Variants in NRXN1 observed in about 807,000 individuals in gnomAD.
The protein encoded by NRXN1 is neurexin 1.
In NRXN1, 39 loss-of-function variants were observed where a neutral mutation model predicts 150.9. That is an observed-to-expected ratio of 0.26 (90% CI 0.20 to 0.34). NRXN1 has a LOEUF of 0.34. Among genes scored for constraint, NRXN1 ranks in the 10% least tolerant of loss-of-function variants. NRXN1 has a pLI of 1.00. For missense variants in NRXN1, 1,815 were observed against 1,949.9 expected, an observed-to-expected ratio of 0.93 and a Z score of 1.30; for synonymous variants, 924 against 757.0, an observed-to-expected ratio of 1.22 and a Z score of -3.62.
At chr2:50,872,217 C>A (rs921171902) in intron 5 of NRXN1, among the ~76,000 whole-genome samples, 8 of 151,766 alleles carry the variant, frequency 5.3e-5, no homozygotes, top group African/African-American at 1.7e-4. Flanking sequence ...ACTATCTTCA[C>A]GGAACTTACG....
At chr2:50,591,381 C>CAGATAGAT (rs59774040) in intron 8 of NRXN1, among the ~76,000 whole-genome samples, 8,907 of 134,678 alleles carry the variant, frequency 0.066, 308 homozygotes, top group Admixed American at 0.079. Context: ...CACTATATAT[C>CAGATAGAT]AGATAGATAG....
At chr2:50,883,832 T>G (rs989773392) in intron 5 of NRXN1, among the ~76,000 whole-genome samples, 2 of 151,780 alleles carry the variant, frequency 1.3e-5, no homozygotes, top group Non-Finnish European at 2.9e-5. Flanking sequence ...CTACAAACTG[T>G]GATGATTCCA....
At position 50,653,347 on chromosome 2, in the gene NRXN1, GC is replaced by G. The variant is rs1254650325; in HGVS notation, c.833-29733del. Among the ~76,000 whole-genome samples, 3 of 152,002 alleles carry G rather than the reference GC, an allele frequency of 2.0e-5. No individual in the cohort carries two copies. In the East Asian group the frequency reaches 5.8e-4, roughly 30 times the overall value. ...GTAACATACAGAAACAACCTGATTG[GC>G]TGCAGTCAATGTTTGCCTTATATAG... is the stretch of plus-strand genomic sequence containing the variant. On this transcript the variant is annotated intron_variant, in intron 5 of 22. Transcript: ENST00000401669.
At chr2:50,533,954 G>C (rs1419438458) in intron 10 of NRXN1, among the ~76,000 whole-genome samples, 1 of 152,078 alleles carries the variant, frequency 6.6e-6, no homozygotes, top group African/African-American at 2.4e-5. Flanking sequence ...TGTTTGTAGA[G>C]TATTATCTGT....
At chr2:50,260,929 T>C (rs1234192649) in intron 17 of NRXN1, among the ~76,000 whole-genome samples, 3 of 151,678 alleles carry the variant, frequency 2.0e-5, no homozygotes, top group African/African-American at 2.4e-5. Flanking sequence ...TCAGGTTAAA[T>C]TGGGGGCTGA....
At chr2:50,545,534 C>T (rs569685207) in intron 9 of NRXN1, among the ~76,000 whole-genome samples, 4 of 152,218 alleles carry the variant, frequency 2.6e-5, no homozygotes, top group African/African-American at 7.2e-5. Context: ...TTTCAGAGGG[C>T]GGTTTCATTT....
chr2:50,852,468 C>T (rs1674660092), intron 5 of NRXN1, among the ~76,000 whole-genome samples: 1 of 152,098 alleles, frequency 6.6e-6, no homozygotes, highest in South Asian at 2.1e-4. Context: ...TGCCTGTTTA[C>T]TCAGACCCCA....
chr2:50,736,807 G>A (rs765308848), intron 5 of NRXN1, among the ~76,000 whole-genome samples: 3 of 152,156 alleles, frequency 2.0e-5, no homozygotes, highest in Non-Finnish European at 4.4e-5. Context: ...GCGTGAAAAC[G>A]AACAAATACA....
In NRXN1 at chr2:51,027,751, T is replaced by G; in HGVS notation, c.523A>C (p.Arg175=). ...CACCCCTTGAAGGGCTCCCGCTCCC[T>G]CACCGAGGCCAGGGTGAGCTTGAGC... The part of the protein sequence containing the change: ...AALKLTLASV[R]EREPFKGWIR... Residue 175 remains arginine, a synonymous_variant, in exon 2 of 23, where the codon AGG becomes CGG. Coordinates refer to ENST00000401669, the MANE Select transcript of NRXN1 (RefSeq NM_001330078.2). The G allele has an allele frequency of 6.2e-7, 1 of 1,612,082 alleles. No homozygotes were observed. Among genetic ancestry groups the G allele is most frequent in the Non-Finnish European group, 8.5e-7 (1 of 1,179,128 alleles).
At chr2:50,241,844 T>C (rs564187555) in intron 17 of NRXN1, among the ~76,000 whole-genome samples, 2 of 151,876 alleles carry the variant, frequency 1.3e-5, no homozygotes, top group East Asian at 1.9e-4. Flanking sequence ...CTCACGTCAA[T>C]TCTGCAAAGG....
intron 5 of NRXN1, among the ~76,000 whole-genome samples, chr2:50,709,774 A>T (rs560447176): frequency 6.6e-6 from 1 of 152,296 alleles, no homozygotes; most frequent in East Asian, 1.9e-4. Context: ...CATTGGTTCA[A>T]GTCTAAAATG....
intron 21 of NRXN1, among the ~76,000 whole-genome samples, chr2:50,045,814 T>C (rs1429925869): frequency 6.6e-6 from 1 of 152,160 alleles, no homozygotes; most frequent in Non-Finnish European, 1.5e-5. Context: ...CTGAAATCAC[T>C]GTCATGTATC....
At chr2:50,267,327 T>C (rs1287081115) in intron 17 of NRXN1, among the ~76,000 whole-genome samples, 5 of 152,340 alleles carry the variant, frequency 3.3e-5, no homozygotes, top group African/African-American at 1.2e-4. Flanking sequence ...AGAAATACTA[T>C]GTTAAATGTA....
At chr2:50,655,989 C>A (rs1686399217) in intron 5 of NRXN1, among the ~76,000 whole-genome samples, 1 of 151,944 alleles carries the variant, frequency 6.6e-6, no homozygotes, top group African/African-American at 2.4e-5. Flanking sequence ...AAAGCATCGA[C>A]CTCTAGGCTT....
At chr2:49,990,546 T>A (rs1681750096) in intron 21 of NRXN1, among the ~76,000 whole-genome samples, 1 of 152,146 alleles carries the variant, frequency 6.6e-6, no homozygotes, top group South Asian at 2.1e-4. Flanking sequence ...GTTTTGCAGT[T>A]TAGGCAAGAG....
intron 17 of NRXN1, among the ~76,000 whole-genome samples, chr2:50,427,528 A>T (rs1484245713): frequency 6.6e-6 from 1 of 152,182 alleles, no homozygotes; most frequent in Non-Finnish European, 1.5e-5. Context: ...CCCTAACTGG[A>T]AGTGTCATGT....
chr2:50,524,759 A>T (rs574875821), intron 12 of NRXN1, among the ~76,000 whole-genome samples: 1 of 152,266 alleles, frequency 6.6e-6, no homozygotes, highest in East Asian at 1.9e-4. Context: ...ATGTATTTAC[A>T]CCTCAAAAGA....
At chr2:50,431,898 A>G (rs549973995) in intron 17 of NRXN1, among the ~76,000 whole-genome samples, 15 of 152,318 alleles carry the variant, frequency 9.8e-5, no homozygotes, top group African/African-American at 3.6e-4. Context: ...TTCATATAGT[A>G]AGGCAAGAAC....
At chr2:50,484,423 T>C (rs959387794) in intron 15 of NRXN1, among the ~76,000 whole-genome samples, 1 of 152,108 alleles carries the variant, frequency 6.6e-6, no homozygotes, top group Non-Finnish European at 1.5e-5. Context: ...TAAGGAGAAA[T>C]GGAGATACTT....
Sources: allele counts gnomAD v4.1 joint callset (sites outside exome capture counted in the v4.1 genomes callset), GRCh38; gene constraint gnomAD v4.1.1; transcripts MANE v1.5; gene names NCBI Gene and HGNC (gene_info 2026-07-23, HGNC 2026-07-21).